Variants in NPAS3 observed in about 807,000 individuals in gnomAD.
The protein encoded by NPAS3 is neuronal PAS domain-containing protein 3.
NPAS3 carries 14 observed loss-of-function variants against 73.1 expected under a neutral mutation model. That is an observed-to-expected ratio of 0.19 (90% CI 0.13 to 0.30). The LOEUF is 0.30. Ranked by LOEUF, NPAS3 falls within the 10% of genes least tolerant of loss-of-function variation. The probability of loss-of-function intolerance (pLI) is 1.00; values close to 1 mark genes in which losing one functional copy is unlikely to be tolerated. For synonymous variants in NPAS3, 620 were observed against 541.5 expected (o/e 1.14, Z -2.01); for missense variants, 1,096 against 1,250.0 (o/e 0.88, Z 1.86).
chr14:33,262,535 G>A (rs1232481237), intron 3 of NPAS3, among the ~76,000 whole-genome samples: 1 of 152,050 alleles, frequency 6.6e-6, no homozygotes, highest in Non-Finnish European at 1.5e-5. Flanking sequence ...TGTTAAAATT[G>A]TTACCTTGGA....
intron 9 of NPAS3, among the ~76,000 whole-genome samples, chr14:33,784,745 A>ATTTTTTTTTTTTTTT (rs1226491375): frequency 2.4e-4 from 18 of 73,842 alleles, no homozygotes; most frequent in Non-Finnish European, 3.1e-4. Flanking sequence ...TTATTTATTT[A>ATTTTTTTTTTTTTTT]TTTTTTTTTT....
intron 5 of NPAS3, among the ~76,000 whole-genome samples, chr14:33,675,380 G>A (rs2140332467): frequency 6.6e-6 from 1 of 152,300 alleles, no homozygotes; most frequent in South Asian, 2.1e-4. Context: ...CATTAAAATA[G>A]TCAGTGCCTC....
chr14:33,493,728 CTG>C (rs904537202), intron 4 of NPAS3, among the ~76,000 whole-genome samples: 2 of 152,130 alleles, frequency 1.3e-5, no homozygotes, highest in Admixed American at 1.3e-4. Flanking sequence ...AAAATAAAAA[CTG>C]TGCTCCCAGG....
At chr14:33,385,795 A>C (rs746098986) in intron 4 of NPAS3, among the ~76,000 whole-genome samples, 1 of 152,192 alleles carries the variant, frequency 6.6e-6, no homozygotes, top group Non-Finnish European at 1.5e-5. Context: ...TTATGTCACT[A>C]GTCAGCGTCC....
At chr14:33,682,900 C>G (rs534294219) in intron 6 of NPAS3, among the ~76,000 whole-genome samples, 1 of 152,306 alleles carries the variant, frequency 6.6e-6, no homozygotes, top group East Asian at 1.9e-4. Flanking sequence ...AGGCCAGCTC[C>G]CAGAAGGCAC....
intron 3 of NPAS3, among the ~76,000 whole-genome samples, chr14:33,341,653 G>A (rs987829565): frequency 5.3e-5 from 8 of 152,076 alleles, no homozygotes; most frequent in Admixed American, 4.6e-4. Context: ...ATTAGGAAAT[G>A]CAGTGATACC....
chr14:33,676,559 C>T (rs1441155178), intron 6 of NPAS3, among the ~76,000 whole-genome samples, 174 bp downstream of exon 6: 2 of 152,200 alleles, frequency 1.3e-5, no homozygotes, highest in Non-Finnish European at 2.9e-5. Flanking sequence ...AATAAGGAGA[C>T]ATTTTAATAA....
At chr14:33,603,955 T>TC (rs931893584) in intron 5 of NPAS3, among the ~76,000 whole-genome samples, 2 of 151,908 alleles carry the variant, frequency 1.3e-5, no homozygotes, top group Non-Finnish European at 2.9e-5. Flanking sequence ...CGGTATGCTA[T>TC]CACTTGAAGG....
intron 5 of NPAS3, among the ~76,000 whole-genome samples, chr14:33,631,631 T>G (rs1441494000): frequency 1.3e-5 from 2 of 152,174 alleles, no homozygotes; most frequent in African/African-American, 4.8e-5. Flanking sequence ...AAATGGAGAT[T>G]GATATAGACT....
intron 6 of NPAS3, among the ~76,000 whole-genome samples, chr14:33,693,313 T>A (rs1364884497): frequency 6.6e-6 from 1 of 152,242 alleles, no homozygotes; most frequent in Admixed American, 6.5e-5. Flanking sequence ...TTGCTTTCTA[T>A]AGTTGGGTCC....
chr14:33,136,778 G>A (rs141445124), intron 2 of NPAS3, among the ~76,000 whole-genome samples: 144 of 152,312 alleles, frequency 9.5e-4, no homozygotes, highest in African/African-American at 3.3e-3. Flanking sequence ...AACAGCAATG[G>A]CCTTTGCATC....
chr14:33,042,069 T>C (rs890613059), intron 1 of NPAS3, among the ~76,000 whole-genome samples: 1 of 152,148 alleles, frequency 6.6e-6, no homozygotes, highest in Non-Finnish European at 1.5e-5. Context: ...ATATCAGTTC[T>C]ATGGGGCAAT....
chr14:33,304,468 G>A lies in NPAS3; in HGVS notation c.386-62718G>A, dbSNP rs181982655. Among the ~76,000 whole-genome samples, 61 of 151,312 alleles carry A rather than the reference G, an allele frequency of 4.0e-4. 1 individual carries two copies. In the East Asian group the frequency reaches 9.9e-3, roughly 25 times the overall value. ...CATGGCACACATGCTGAAACAGTAG[G>A]GTGTAGGTGGTTGATTGAATAACAT... On this transcript the variant is annotated intron_variant, in intron 3 of 11. Coordinates refer to ENST00000356141, the Ensembl canonical transcript of NPAS3.
At chr14:33,116,861 C>G (rs890452369) in intron 2 of NPAS3, among the ~76,000 whole-genome samples, 3 of 152,042 alleles carry the variant, frequency 2.0e-5, no homozygotes, top group African/African-American at 7.2e-5. Context: ...AGTTTCAAGG[C>G]AAGCTGCAAC....
At chr14:33,743,085 G>T (rs906721685) in intron 7 of NPAS3, among the ~76,000 whole-genome samples, 1 of 151,606 alleles carries the variant, frequency 6.6e-6, no homozygotes, top group Non-Finnish European at 1.5e-5. Context: ...TCAAACTCCT[G>T]TTCATGTGAC....
chr14:33,618,189 C>G (rs1042605966), intron 5 of NPAS3, among the ~76,000 whole-genome samples: 1 of 152,112 alleles, frequency 6.6e-6, no homozygotes, highest in African/African-American at 2.4e-5. Flanking sequence ...TCATGGAAGA[C>G]AGTTTTTTCA....
chr14:33,331,408 G>A (rs1356201016), intron 3 of NPAS3, among the ~76,000 whole-genome samples: 7 of 152,110 alleles, frequency 4.6e-5, no homozygotes, highest in African/African-American at 1.2e-4. Flanking sequence ...TTATGTATGC[G>A]TTTCATTACC....
At chr14:33,390,548 G>T (rs2046957578) in intron 4 of NPAS3, among the ~76,000 whole-genome samples, 3 of 152,210 alleles carry the variant, frequency 2.0e-5, no homozygotes, top group Non-Finnish European at 4.4e-5. Flanking sequence ...TTATAGATCT[G>T]ATCCAGCTGT....
At chr14:33,284,328 A>T (rs767385710) in intron 3 of NPAS3, among the ~76,000 whole-genome samples, 1 of 147,920 alleles carries the variant, frequency 6.8e-6, no homozygotes, top group Non-Finnish European at 1.5e-5. Context: ...ACAGTGCTCT[A>T]TTTTTTTTTT....
Sources: allele counts gnomAD v4.1 joint callset (sites outside exome capture counted in the v4.1 genomes callset), GRCh38; gene constraint gnomAD v4.1.1; transcripts MANE v1.5; gene names NCBI Gene and HGNC (gene_info 2026-07-23, HGNC 2026-07-21).